The following GPHN variants were observed in gnomAD, a reference collection of about 807,000 sequenced individuals.
GPHN encodes gephyrin.
A neutral mutation model predicts 95.5 loss-of-function variants in GPHN; 17 were observed. The ratio of observed to expected loss-of-function variants is 0.18; its 90% confidence interval spans 0.12 to 0.27. GPHN has a LOEUF of 0.27. GPHN is among the 10% of genes least tolerant of loss of function. GPHN has a pLI of 1.00. For missense variants in GPHN, 660 were observed against 978.1 expected (o/e 0.67, Z 4.34); for synonymous variants, 320 against 322.5 (o/e 0.99, Z 0.08).
rs80280591 is a variant in GPHN, at chr14:67,091,118, G to A, written c.1237+2043G>A. 1.9e-3 allele frequency among the ~76,000 whole-genome samples: 281 copies of A among 151,876 alleles called. 6 individuals are homozygous for A. The East Asian group carries it at 0.052, about 28-fold the overall frequency. ...TCTCATTTTCTGTGTAAATAAAATG[G>A]TAGAGAGATTGAGCTTATGTTTTTT... On this transcript the variant is annotated intron_variant, in intron 12 of 22. Coordinates refer to ENST00000478722, the MANE Select transcript of GPHN (RefSeq NM_020806.5).
chr14:67,334,901 A>AACTG, the GPHN span: 3 of 152,218 alleles, frequency 2.0e-5, no homozygotes, highest in African/African-American at 4.8e-5. Flanking sequence ...TGCTTATTGT[A>AACTG]ACTGACAACT....
At chr14:67,090,159 T>C (rs1719749320) in intron 12 of GPHN, among the ~76,000 whole-genome samples, 1 of 152,140 alleles carries the variant, frequency 6.6e-6, no homozygotes, top group Admixed American at 6.6e-5. Flanking sequence ...TTTTTCAGTT[T>C]ATCAGAGCTG....
chr14:67,036,568 A>G (rs2074438816), intron 10 of GPHN, among the ~76,000 whole-genome samples: 1 of 141,966 alleles, frequency 7.0e-6, no homozygotes, highest in South Asian at 2.2e-4. Flanking sequence ...TAAAGCTAAT[A>G]CAAGAAGCCA....
At chr14:67,560,499 T>C in the GPHN span, among the ~76,000 whole-genome samples, 1 of 152,196 alleles carries the variant, frequency 6.6e-6, no homozygotes, top group South Asian at 2.1e-4. Flanking sequence ...AAACAGAAAC[T>C]CTGTACCTGC....
intron 2 of GPHN, among the ~76,000 whole-genome samples, chr14:66,720,001 G>C (rs779149405): frequency 1.3e-5 from 2 of 151,904 alleles, no homozygotes; most frequent in Non-Finnish European, 2.9e-5. Context: ...TTTTTTGTAA[G>C]GCAGTAATCT....
the GPHN span, chr14:67,590,231 T>G: frequency 7.5e-7 from 1 of 1,328,606 alleles, no homozygotes. Context: ...AGTGCAGTGG[T>G]GCTGCATCCA....
chr14:66,969,159 T>A (rs1186632616), intron 9 of GPHN: 1 of 152,140 alleles, frequency 6.6e-6, no homozygotes, highest in East Asian at 1.9e-4. Flanking sequence ...AAAAGTCATT[T>A]CTCTTTTATA....
At chr14:66,841,105 A>G (rs959770006) in intron 4 of GPHN, among the ~76,000 whole-genome samples, 1 of 151,904 alleles carries the variant, frequency 6.6e-6, no homozygotes, top group Admixed American at 6.6e-5. Context: ...TTAAGAAGTC[A>G]CAAGTCCCTA....
At chr14:67,590,310 T>C in the GPHN span, 1 of 595,442 alleles carries the variant, frequency 1.7e-6, no homozygotes, top group Non-Finnish European at 2.7e-6. Flanking sequence ...TGGAGTGCAG[T>C]GGCGCAATCT....
chr14:66,947,014 C>T (rs1290715350), intron 8 of GPHN, among the ~76,000 whole-genome samples: 4 of 152,278 alleles, frequency 2.6e-5, no homozygotes, highest in East Asian at 1.9e-4. Flanking sequence ...AATAATGTCA[C>T]TTCTCTACTT....
the GPHN span, chr14:67,619,916 G>C: frequency 8.7e-7 from 1 of 1,143,878 alleles, no homozygotes; most frequent in Non-Finnish European, 1.2e-6. Context: ...GGGCGGTGGC[G>C]CTCACTCCCG....
At chr14:66,555,091 T>A (rs1014515382) in intron 1 of GPHN, among the ~76,000 whole-genome samples, 1 of 151,880 alleles carries the variant, frequency 6.6e-6, no homozygotes, top group Non-Finnish European at 1.5e-5. Flanking sequence ...GATAAACAGG[T>A]CACCAGTTTA....
the GPHN span, among the ~76,000 whole-genome samples, chr14:67,190,014 A>ATTTT: frequency 1.8e-5 from 2 of 113,230 alleles, no homozygotes; most frequent in African/African-American, 6.6e-5. Context: ...CTAATTTTGT[A>ATTTT]TTTTTTTTTT....
chr14:66,845,785 GAATTC>G (rs2062298558), intron 4 of GPHN, among the ~76,000 whole-genome samples: 1 of 151,346 alleles, frequency 6.6e-6, no homozygotes, highest in Middle Eastern at 3.4e-3. Flanking sequence ...AGTAGGTTTG[GAATTC>G]GGTTTAGGTA....
intron 1 of GPHN, among the ~76,000 whole-genome samples, chr14:66,552,867 A>C (rs1421471512): frequency 6.6e-6 from 1 of 151,448 alleles, no homozygotes; most frequent in Admixed American, 6.6e-5. Flanking sequence ...ATTTTTTCTT[A>C]CTTTTGTTTT....
chr14:67,045,087 T>G (rs200835166), intron 10 of GPHN, among the ~76,000 whole-genome samples: 1 of 152,172 alleles, frequency 6.6e-6, no homozygotes, highest in Non-Finnish European at 1.5e-5. Flanking sequence ...GCTTCTCCCT[T>G]GACTCACCTG....
At chr14:67,690,621 G>T in the GPHN span, 1 of 572,590 alleles carries the variant, frequency 1.7e-6, no homozygotes, top group Admixed American at 3.0e-5. Context: ...ATCCTTATAT[G>T]AGCGAGATAG....
chr14:66,831,780 T>C (rs2061589761), intron 4 of GPHN, among the ~76,000 whole-genome samples: 1 of 152,202 alleles, frequency 6.6e-6, no homozygotes, highest in Non-Finnish European at 1.5e-5. Context: ...TAATAACAAC[T>C]AACACTTACA....
the GPHN span, chr14:67,338,493 C>T: frequency 1.0e-6 from 1 of 992,834 alleles, no homozygotes. Flanking sequence ...AAATAGACAT[C>T]TAGGTAAATT....
Sources: gnomAD v4.1 joint callset for allele counts (sites outside exome capture counted in the v4.1 genomes callset) on GRCh38, gnomAD v4.1.1 for gene constraint, MANE v1.5 for transcripts, NCBI Gene and HGNC (gene_info 2026-07-23, HGNC 2026-07-21) for gene names.